The following SORCS3 variants were observed in gnomAD, a reference collection of about 807,000 sequenced individuals.
SORCS3 encodes the protein sortilin related VPS10 domain containing receptor 3.
SORCS3 carries 57 observed loss-of-function variants against 146.3 expected under a neutral mutation model. The observed-to-expected ratio is 0.39, with a 90% CI of 0.31 to 0.49. SORCS3 has a LOEUF of 0.49. Among genes scored for constraint, SORCS3 ranks in the 20% least tolerant of loss-of-function variants. The pLI is 0.92. For missense variants in SORCS3, 1,341 were observed against 1,575.5 expected, an observed-to-expected ratio of 0.85 and a Z score of 2.52; for synonymous variants, 653 against 618.5, an observed-to-expected ratio of 1.06 and a Z score of -0.83.
At chr10:104,752,419 G>T (rs935310113) in intron 1 of SORCS3, among the ~76,000 whole-genome samples, 1 of 152,166 alleles carries the variant, frequency 6.6e-6, no homozygotes, top group Admixed American at 6.5e-5. Flanking sequence ...GCCAAGTAAG[G>T]TGCCACAGTT....
At chr10:105,249,153 C>T (rs2119744858) in intron 22 of SORCS3, among the ~76,000 whole-genome samples, 1 of 152,264 alleles carries the variant, frequency 6.6e-6, no homozygotes, top group Admixed American at 6.5e-5. Context: ...TCTCTGATAA[C>T]AAGAGCCAGT....
Position 104,736,785 on chromosome 10 carries a change from T to A in SORCS3, c.627+94831T>A, listed in dbSNP as rs867155574. 3.9e-3 allele frequency among the ~76,000 whole-genome samples: 564 copies of A among 145,972 alleles called. 7 individuals carry two copies. The highest frequency in any genetic ancestry group is 0.013 in the African/African-American group (523 of 38,900). Reference sequence around the variant, plus strand: ...CAAAGGCATGTTTTCTTTTTTTTTTTTTATTATTATTATACTTAAAGTTTT... The same window carrying A: ...CAAAGGCATGTTTTCTTTTTTTTTTATTATTATTATTATACTTAAAGTTTT... On this transcript the variant is annotated intron_variant, in intron 1 of 26. Coordinates refer to ENST00000369701, the MANE Select transcript of SORCS3 (RefSeq NM_014978.3).
intron 3 of SORCS3, among the ~76,000 whole-genome samples, chr10:104,947,620 T>A (rs1207180191): frequency 6.6e-6 from 1 of 152,056 alleles, no homozygotes; most frequent in East Asian, 1.9e-4. Context: ...TTTTGTTTGT[T>A]TGTTTTGTTG....
intron 1 of SORCS3, among the ~76,000 whole-genome samples, chr10:104,749,550 A>T (rs1309548970): frequency 6.6e-6 from 1 of 152,168 alleles, no homozygotes; most frequent in Admixed American, 6.5e-5. Flanking sequence ...CAATAACTGT[A>T]CAAATTCATT....
intron 1 of SORCS3, among the ~76,000 whole-genome samples, chr10:104,741,970 A>G (rs2016852593): frequency 6.6e-6 from 1 of 151,496 alleles, no homozygotes; most frequent in African/African-American, 2.4e-5. Context: ...TTCTCACTCA[A>G]GTTGGGATTT....
chr10:105,067,678 C>T lies in SORCS3; in HGVS notation c.1029-22097C>T, dbSNP rs549250329. Among the ~76,000 whole-genome samples the T allele has an allele frequency of 1.4e-4, 22 of 152,270 alleles. No individual in the cohort carries two copies. The East Asian group carries it at 2.5e-3, about 17-fold the overall frequency. On this transcript the variant is annotated intron_variant, in intron 5 of 26. Coordinates refer to ENST00000369701, the MANE Select transcript of SORCS3 (RefSeq NM_014978.3). ...CTTTAAACCCACTCCCATCTGGTTC[C>T]TCCACCACTACTTCCTTTACTGCAA...
intron 1 of SORCS3, among the ~76,000 whole-genome samples, chr10:104,643,150 C>T (rs1047449809): frequency 6.6e-6 from 1 of 152,188 alleles, no homozygotes; most frequent in Admixed American, 6.5e-5. Flanking sequence ...ACGCTCCAGG[C>T]GGAGGATGAC....
intron 1 of SORCS3, among the ~76,000 whole-genome samples, chr10:104,669,957 T>A (rs2015831683): frequency 6.6e-6 from 1 of 152,112 alleles, no homozygotes; most frequent in Non-Finnish European, 1.5e-5. Context: ...TTTTTATTTT[T>A]ATTTCTCTAA....
intron 1 of SORCS3, among the ~76,000 whole-genome samples, chr10:104,659,037 T>G (rs1446049985): frequency 6.6e-6 from 1 of 152,212 alleles, no homozygotes; most frequent in African/African-American, 2.4e-5. Flanking sequence ...TGAAAGGGCA[T>G]TATAAACTAT....
At chr10:105,215,086 GA>G (rs2119650686) in intron 18 of SORCS3, among the ~76,000 whole-genome samples, 1 of 152,306 alleles carries the variant, frequency 6.6e-6, no homozygotes, top group South Asian at 2.1e-4. Context: ...GAAGATTATT[GA>G]AATCCTTTAA....
At chr10:105,221,323 A>C (rs2056701233) in intron 19 of SORCS3, among the ~76,000 whole-genome samples, 1 of 152,184 alleles carries the variant, frequency 6.6e-6, no homozygotes, top group South Asian at 2.1e-4. Flanking sequence ...GTCCAGTTAG[A>C]CTCAGGAGAA....
chr10:104,838,385 C>T (rs1041545258), intron 1 of SORCS3, among the ~76,000 whole-genome samples: 4 of 152,080 alleles, frequency 2.6e-5, no homozygotes, highest in Non-Finnish European at 4.4e-5. Context: ...TCCCCAGTGG[C>T]GTTTGGAAGG....
At chr10:105,241,068 A>G (rs187937192) in intron 20 of SORCS3, among the ~76,000 whole-genome samples, 31 of 152,192 alleles carry the variant, frequency 2.0e-4, no homozygotes, top group African/African-American at 7.0e-4. Context: ...ATAAGCCACT[A>G]TGAACATTTA....
intron 3 of SORCS3, among the ~76,000 whole-genome samples, chr10:104,948,185 G>A (rs747295947): frequency 1.3e-5 from 2 of 152,078 alleles, no homozygotes; most frequent in Non-Finnish European, 2.9e-5. Flanking sequence ...TGTCTTAAGT[G>A]CCCCTGAGCC....
At chr10:104,916,100 A>G (rs2019023976) in intron 3 of SORCS3, among the ~76,000 whole-genome samples, 168 bp downstream of exon 3, 1 of 152,252 alleles carries the variant, frequency 6.6e-6, no homozygotes, top group African/African-American at 2.4e-5. Flanking sequence ...CAAGCTTGAT[A>G]GTAATAATAA....
intron 6 of SORCS3, among the ~76,000 whole-genome samples, chr10:105,103,064 A>G (rs937571323): frequency 6.6e-6 from 1 of 152,052 alleles, no homozygotes; most frequent in South Asian, 2.1e-4. Flanking sequence ...TCTCAATTAT[A>G]AAAATAAGGA....
intron 20 of SORCS3, among the ~76,000 whole-genome samples, chr10:105,243,575 G>T (rs2056849204): frequency 6.6e-6 from 1 of 152,118 alleles, no homozygotes; most frequent in Admixed American, 6.5e-5. Flanking sequence ...AATTCAGAAG[G>T]TCACACCCAT....
intron 8 of SORCS3, among the ~76,000 whole-genome samples, chr10:105,142,838 A>G (rs2056104962): frequency 6.6e-6 from 1 of 152,198 alleles, no homozygotes; most frequent in Non-Finnish European, 1.5e-5. Flanking sequence ...ACAGTAGAAT[A>G]TGGTTAATTC....
intron 2 of SORCS3, among the ~76,000 whole-genome samples, chr10:104,865,059 C>T (rs532470505): frequency 6.6e-6 from 1 of 152,154 alleles, no homozygotes; most frequent in Non-Finnish European, 1.5e-5. Context: ...TATAATAGTA[C>T]CACTTGCAGC....
Sources: allele counts gnomAD v4.1 joint callset (sites outside exome capture counted in the v4.1 genomes callset), GRCh38; gene constraint gnomAD v4.1.1; transcripts MANE v1.5; gene names NCBI Gene and HGNC (gene_info 2026-07-23, HGNC 2026-07-21).